Variants in SPMIP2 observed in about 807,000 individuals in gnomAD.
SPMIP2 encodes protein SPMIP2.
At chr4:158,914,698 C>G in the SPMIP2 span, among the ~76,000 whole-genome samples, 2 of 152,164 alleles carry the variant, frequency 1.3e-5, no homozygotes, top group Non-Finnish European at 2.9e-5. Context: ...AAAACAGATA[C>G]CAAAATCCCC....
chr4:158,997,828 A>T, the SPMIP2 span, among the ~76,000 whole-genome samples: 1 of 151,856 alleles, frequency 6.6e-6, no homozygotes, highest in Non-Finnish European at 1.5e-5. Flanking sequence ...AATTTTTAAA[A>T]TTTTTTTGGT....
At chr4:158,993,226 C>T in the SPMIP2 span, among the ~76,000 whole-genome samples, 1 of 151,832 alleles carries the variant, frequency 6.6e-6, no homozygotes, top group African/African-American at 2.4e-5. Flanking sequence ...ATTAGCCAGC[C>T]GCCCATGGCA....
chr4:158,995,649 C>T, the SPMIP2 span, among the ~76,000 whole-genome samples: 38 of 151,942 alleles, frequency 2.5e-4, no homozygotes, highest in Non-Finnish European at 5.9e-5. Context: ...ACAAGGTCAA[C>T]AGATCAAGAC....
the SPMIP2 span, among the ~76,000 whole-genome samples, chr4:158,977,797 G>A: frequency 6.6e-6 from 1 of 151,836 alleles, no homozygotes; most frequent in Non-Finnish European, 1.5e-5. Flanking sequence ...TGTATTTTTA[G>A]TAGAGACGGG....
chr4:159,070,171 C>A, the SPMIP2 span, among the ~76,000 whole-genome samples: 1 of 151,954 alleles, frequency 6.6e-6, no homozygotes, highest in Non-Finnish European at 1.5e-5. Flanking sequence ...ACAGAATGTG[C>A]CAAAACTGTA....
At chr4:159,058,606 A>T in the SPMIP2 span, among the ~76,000 whole-genome samples, 3 of 152,224 alleles carry the variant, frequency 2.0e-5, no homozygotes, top group Non-Finnish European at 4.4e-5. Context: ...TAAATAGATA[A>T]GAGCTCTGAA....
At chr4:159,056,119 G>A in the SPMIP2 span, among the ~76,000 whole-genome samples, 2 of 152,166 alleles carry the variant, frequency 1.3e-5, no homozygotes, top group Admixed American at 6.5e-5. Context: ...TATTTCATTT[G>A]AAAGTGCTTA....
chr4:158,981,299 C>T, the SPMIP2 span, among the ~76,000 whole-genome samples: 4 of 152,060 alleles, frequency 2.6e-5, no homozygotes, highest in Admixed American at 6.6e-5. Context: ...ATTACCCAAA[C>T]GAACTTCCCC....
the SPMIP2 span, among the ~76,000 whole-genome samples, chr4:158,913,396 A>T: frequency 6.6e-6 from 1 of 151,986 alleles, no homozygotes; most frequent in Admixed American, 6.6e-5. Context: ...CTAATTTTTT[A>T]TATTTTTTGT....
At chr4:158,929,497 C>T in the SPMIP2 span, among the ~76,000 whole-genome samples, 1 of 152,224 alleles carries the variant, frequency 6.6e-6, no homozygotes, top group South Asian at 2.1e-4. Flanking sequence ...TCATTTTAGC[C>T]TTGCATTTCA....
At chr4:159,060,958 A>T in the SPMIP2 span, among the ~76,000 whole-genome samples, 7 of 151,748 alleles carry the variant, frequency 4.6e-5, no homozygotes, top group Admixed American at 4.6e-4. Flanking sequence ...GGTTGCATGC[A>T]CCTATAGTTC....
At chr4:158,922,833 C>T in the SPMIP2 span, among the ~76,000 whole-genome samples, 2 of 152,156 alleles carry the variant, frequency 1.3e-5, no homozygotes, top group African/African-American at 4.8e-5. Context: ...TGGAATCATA[C>T]AAAATGTGGC....
the SPMIP2 span, among the ~76,000 whole-genome samples, chr4:158,997,486 G>T: frequency 6.6e-6 from 1 of 152,110 alleles, no homozygotes; most frequent in Non-Finnish European, 1.5e-5. Context: ...CACCTCAAAA[G>T]TGGTGGGATT....
chr4:158,984,880 C>T, the SPMIP2 span, among the ~76,000 whole-genome samples: 1,663 of 151,660 alleles, frequency 0.011, 19 homozygotes, highest in Middle Eastern at 0.048. Flanking sequence ...ACTGATACAC[C>T]GCTAGCAAGA....
At chr4:158,917,166 C>T in the SPMIP2 span, among the ~76,000 whole-genome samples, 1 of 152,238 alleles carries the variant, frequency 6.6e-6, no homozygotes, top group Non-Finnish European at 1.5e-5. Context: ...AGGAGAATCA[C>T]TTGAACCCAG....
chr4:159,007,163 A>T, the SPMIP2 span: 1 of 916,920 alleles, frequency 1.1e-6, no homozygotes, highest in East Asian at 2.9e-5. Context: ...GAGGCCTGTA[A>T]ACAGGTGGAG....
At chr4:159,062,039 G>A in the SPMIP2 span, among the ~76,000 whole-genome samples, 2 of 152,174 alleles carry the variant, frequency 1.3e-5, no homozygotes, top group African/African-American at 4.8e-5. Context: ...CAGGAGCAAT[G>A]AGTGACTGTA....
chr4:158,976,395 G>A, the SPMIP2 span, among the ~76,000 whole-genome samples: 1 of 152,070 alleles, frequency 6.6e-6, no homozygotes, highest in African/African-American at 2.4e-5. Flanking sequence ...CCAGCATTTG[G>A]CCATTCATTA....
At chr4:159,070,776 C>T in the SPMIP2 span, among the ~76,000 whole-genome samples, 4 of 152,156 alleles carry the variant, frequency 2.6e-5, no homozygotes, top group Admixed American at 2.0e-4. Context: ...CCCATATACT[C>T]AGAATTTTCA....
Sources: allele counts gnomAD v4.1 joint callset (sites outside exome capture counted in the v4.1 genomes callset), GRCh38; gene constraint gnomAD v4.1.1; transcripts MANE v1.5; gene names NCBI Gene and HGNC (gene_info 2026-07-23, HGNC 2026-07-21).